The following GOLIM4 variants were observed in gnomAD, a reference collection of about 807,000 sequenced individuals.
GOLIM4 encodes the protein 130 kDa golgi-localized phosphoprotein.
GOLIM4 carries 71 observed loss-of-function variants against 107.4 expected under a neutral mutation model. The observed-to-expected ratio is 0.66, with a 90% CI of 0.55 to 0.81. The LOEUF is 0.81. Among genes scored for constraint, GOLIM4 ranks in the 30% least tolerant of loss-of-function variants. The pLI, the probability that GOLIM4 is intolerant of heterozygous loss-of-function variation, is 0.00. For missense variants in GOLIM4, 830 were observed against 826.1 expected, an observed-to-expected ratio of 1.00 and a Z score of -0.06; for synonymous variants, 327 against 294.8, an observed-to-expected ratio of 1.11 and a Z score of -1.12.
intron 9 of GOLIM4, 141 bp from the exon 10 acceptor site, chr3:168,030,177 A>G: frequency 1.2e-6 from 1 of 823,596 alleles, no homozygotes; most frequent in Middle Eastern, 3.2e-4. Flanking sequence ...TTATACATGA[A>G]GTCCAAAAAC....
intron 1 of GOLIM4, among the ~76,000 whole-genome samples, chr3:168,081,788 T>G (rs1721381879): frequency 6.6e-6 from 1 of 152,216 alleles, no homozygotes; most frequent in Non-Finnish European, 1.5e-5. Context: ...TACACATTTC[T>G]CATGTAATTG....
At chr3:168,039,348 C>T (rs1477911148) in intron 7 of GOLIM4, among the ~76,000 whole-genome samples, 7 of 151,528 alleles carry the variant, frequency 4.6e-5, no homozygotes, top group African/African-American at 1.7e-4. Context: ...CTGCAGCCTC[C>T]GCCCCGCTGG....
At chr3:168,017,613 C>T (rs1717445537) in intron 14 of GOLIM4, among the ~76,000 whole-genome samples, 1 of 152,230 alleles carries the variant, frequency 6.6e-6, no homozygotes, top group African/African-American at 2.4e-5. Context: ...ATTCAAGTCA[C>T]TATCTAGATC....
chr3:168,051,851 T>C (rs1357898337), intron 1 of GOLIM4, among the ~76,000 whole-genome samples: 1 of 151,874 alleles, frequency 6.6e-6, no homozygotes, highest in East Asian at 1.9e-4. Context: ...TGGAGAAGGG[T>C]TGTTCTTCAC....
At chr3:168,062,797 G>A (rs1009100036) in intron 1 of GOLIM4, among the ~76,000 whole-genome samples, 1 of 152,162 alleles carries the variant, frequency 6.6e-6, no homozygotes, top group African/African-American at 2.4e-5. Flanking sequence ...TTAGGAAATA[G>A]AATCAAAATG....
chr3:168,091,764 A>C (rs1301398197), intron 1 of GOLIM4, among the ~76,000 whole-genome samples: 1 of 152,186 alleles, frequency 6.6e-6, no homozygotes, highest in African/African-American at 2.4e-5. Context: ...CAATACCTCT[A>C]TAAAATAGGT....
At chr3:168,079,124 C>T (rs1721213990) in intron 1 of GOLIM4, among the ~76,000 whole-genome samples, 1 of 151,910 alleles carries the variant, frequency 6.6e-6, no homozygotes, top group South Asian at 2.1e-4. Flanking sequence ...GCTGCTAGTC[C>T]CTTAAAAAAA....
At chr3:168,077,959 T>C (rs143032159) in intron 1 of GOLIM4, among the ~76,000 whole-genome samples, 75 of 152,226 alleles carry the variant, frequency 4.9e-4, no homozygotes, top group African/African-American at 1.5e-3. Context: ...AAATGTATGA[T>C]ATACTCTAGA....
chr3:168,092,886 ATAAT>A (rs1255750116), intron 1 of GOLIM4, among the ~76,000 whole-genome samples: 1 of 152,264 alleles, frequency 6.6e-6, no homozygotes, highest in Non-Finnish European at 1.5e-5. Flanking sequence ...TGCTTGTGAA[ATAAT>A]TATTCATGCA....
chr3:168,059,476 C>A (rs901716860), intron 1 of GOLIM4, among the ~76,000 whole-genome samples: 1 of 152,196 alleles, frequency 6.6e-6, no homozygotes, highest in African/African-American at 2.4e-5. Flanking sequence ...TATTTAAGAT[C>A]TCTTAGTCTT....
chr3:168,038,059 G>A (rs148980012), intron 7 of GOLIM4, among the ~76,000 whole-genome samples: 2 of 152,312 alleles, frequency 1.3e-5, no homozygotes, highest in East Asian at 3.9e-4. Flanking sequence ...CACCCCAAGA[G>A]TGAGGTGCTT....
rs551796196 is a variant in GOLIM4, at chr3:168,054,227, T to C, written c.188-5862A>G. On this transcript the variant is annotated intron_variant, in intron 1 of 15. Transcript: ENST00000470487. ...TTTTTAATAAGCCCTTTCCCACACATTCAAGGCCCAGGCCTGGGGGGGCAA... is the reference window on the plus strand; with the variant it reads ...TTTTTAATAAGCCCTTTCCCACACACTCAAGGCCCAGGCCTGGGGGGGCAA... Among the ~76,000 whole-genome samples the C allele has an allele frequency of 2.0e-3, 303 of 152,328 alleles. 1 individual carries two copies. The highest frequency in any genetic ancestry group is 6.8e-3 in the African/African-American group (284 of 41,576).
intron 1 of GOLIM4, among the ~76,000 whole-genome samples, chr3:168,066,720 G>T (rs1389313468): frequency 6.6e-6 from 1 of 152,078 alleles, no homozygotes; most frequent in Non-Finnish European, 1.5e-5. Flanking sequence ...CTTTGTCGGT[G>T]AACAAGTGAG....
At chr3:168,089,793 G>A (rs1721814718) in intron 1 of GOLIM4, among the ~76,000 whole-genome samples, 1 of 144,034 alleles carries the variant, frequency 6.9e-6, no homozygotes, top group Non-Finnish European at 1.5e-5. Context: ...TTTTGAGACA[G>A]AGTCTCGCTC....
intron 1 of GOLIM4, among the ~76,000 whole-genome samples, chr3:168,074,745 C>T (rs553288168): frequency 1.4e-4 from 22 of 152,114 alleles, no homozygotes; most frequent in South Asian, 6.2e-4. Flanking sequence ...TATCTAGTAA[C>T]GCAGACAAGG....
intron 12 of GOLIM4, 65 bp downstream of exon 12, chr3:168,027,663 G>T: frequency 1.0e-6 from 1 of 988,352 alleles, no homozygotes; most frequent in Non-Finnish European, 1.6e-6. Context: ...CATCAGGCAA[G>T]TTTTCAACTC....
chr3:168,069,856 T>C (rs1423591157), intron 1 of GOLIM4, among the ~76,000 whole-genome samples: 1 of 152,240 alleles, frequency 6.6e-6, no homozygotes, highest in African/African-American at 2.4e-5. Flanking sequence ...TTATGTCACT[T>C]CTATTTTTAT....
At chr3:168,046,108 G>A (rs141343782) in intron 3 of GOLIM4, among the ~76,000 whole-genome samples, 1 of 152,096 alleles carries the variant, frequency 6.6e-6, no homozygotes, top group Non-Finnish European at 1.5e-5. Context: ...CCTGGCCTCA[G>A]GCAATCCTCC....
At chr3:168,011,564 C>A (rs972383393) in intron 14 of GOLIM4, among the ~76,000 whole-genome samples, 4 of 151,830 alleles carry the variant, frequency 2.6e-5, no homozygotes, top group African/African-American at 4.9e-5. Context: ...GGCCTGCCTG[C>A]CTCTGTAGGC....
Sources: allele counts gnomAD v4.1 joint callset (sites outside exome capture counted in the v4.1 genomes callset), GRCh38; gene constraint gnomAD v4.1.1; transcripts MANE v1.5; gene names NCBI Gene and HGNC (gene_info 2026-07-23, HGNC 2026-07-21).